The following NPR3 variants were observed in gnomAD, a reference collection of about 807,000 sequenced individuals.
NPR3 encodes natriuretic peptide receptor 3.
A neutral mutation model predicts 54.5 loss-of-function variants in NPR3; 34 were observed. The observed-to-expected ratio is 0.62, with a 90% CI of 0.47 to 0.83. The LOEUF is 0.83. NPR3 is among the 40% of genes least tolerant of loss of function. The pLI is 0.00. For synonymous variants in NPR3, 289 were observed against 297.1 expected, an observed-to-expected ratio of 0.97 and a Z score of 0.28; for missense variants, 674 against 720.8, an observed-to-expected ratio of 0.94 and a Z score of 0.74.
chr5:32,713,460 G>C lies in NPR3; in HGVS notation c.769+915G>C, dbSNP rs933782306. 4 of 985,244 alleles carry C rather than the reference G, an allele frequency of 4.1e-6. No individual in the cohort carries two copies. In the African/African-American group the frequency reaches 7.0e-5, roughly 17 times the overall value. 61.0% of individuals were successfully genotyped at this position (985,244 alleles called of 1,614,324 possible). ...GGTAGGGTAGAATCTGAGGGAAGGC[G>C]GACTGAGATGCCGGTATAGCGCCGA... On this transcript the variant is annotated intron_variant, in intron 1 of 7. Transcript: ENST00000265074.
At chr5:32,718,943 AACTG>A (rs1738705477) in intron 1 of NPR3, among the ~76,000 whole-genome samples, 1 of 152,026 alleles carries the variant, frequency 6.6e-6, no homozygotes, top group African/African-American at 2.4e-5. Flanking sequence ...CAAAGGGAAA[AACTG>A]CTTCCAGTTT....
intron 7 of NPR3, among the ~76,000 whole-genome samples, chr5:32,785,138 A>ATTTTT (rs11427729): frequency 6.6e-5 from 6 of 90,894 alleles, no homozygotes; most frequent in African/African-American, 9.9e-5. Flanking sequence ...TTGATCACAG[A>ATTTTT]TTTTTTTTTT....
rs531966514 is a variant in NPR3 at position 32,767,580 on chromosome 5, A to T, written c.1060-7128A>T. 4.6e-5 allele frequency among the ~76,000 whole-genome samples: 7 copies of T among 152,324 alleles called. No homozygotes were observed. The East Asian group carries it at 1.2e-3, about 25-fold the overall frequency. On this transcript the variant is annotated intron_variant, in intron 3 of 7. Transcript: ENST00000265074. ...TCTAGAACCATTCATTAACATTTCA[A>T]GGAAGGCTACTGTTCTGTGGAATAC... is the stretch of plus-strand genomic sequence containing the variant.
chr5:32,755,476 A>G (rs1740788312), intron 3 of NPR3, among the ~76,000 whole-genome samples: 1 of 152,136 alleles, frequency 6.6e-6, no homozygotes, highest in South Asian at 2.1e-4. Flanking sequence ...GCACTCCGTG[A>G]GCTCCTTCTC....
At chr5:32,741,012 C>T (rs1408785129) in intron 3 of NPR3, among the ~76,000 whole-genome samples, 1 of 137,192 alleles carries the variant, frequency 7.3e-6, no homozygotes, top group East Asian at 2.3e-4. Flanking sequence ...AAACATCAAA[C>T]TCTTTTACAT....
At chr5:32,700,179 T>G (rs1740631664) in intron 1 of NPR3, among the ~76,000 whole-genome samples, 1 of 152,206 alleles carries the variant, frequency 6.6e-6, no homozygotes, top group Non-Finnish European at 1.5e-5. Flanking sequence ...AAGTTCTTTT[T>G]TGGGTTAAAT....
intron 1 of NPR3, among the ~76,000 whole-genome samples, chr5:32,721,930 G>T (rs917061519): frequency 6.6e-6 from 1 of 152,126 alleles, no homozygotes; most frequent in Non-Finnish European, 1.5e-5. Flanking sequence ...GCCAGCTCAG[G>T]TCTCTCTTCC....
Position 32,784,872 on chromosome 5 carries a change from C to G in NPR3, c.1503C>G (p.Phe501Leu), listed in dbSNP as rs1742527774. The G allele has an allele frequency of 1.2e-6, 2 of 1,613,028 alleles. No homozygotes were observed. The highest frequency in any genetic ancestry group is 2.2e-5 in the East Asian group (1 of 44,860). The change falls in exon 7 of 8, where the codon TTC (phenylalanine) becomes TTG (leucine). Residue 501 changes from phenylalanine to leucine, a missense_variant. Coordinates refer to ENST00000265074, the MANE Select transcript of NPR3 (RefSeq NM_001204375.2). ...ALLGAGLLMA[F>L]YFFRKKYRIT... ...TAGGAGCTGGCTTGCTAATGGCCTT[C>G]TACTTTTTCAGGTGAGGACGGTTTG...
intron 1 of NPR3, among the ~76,000 whole-genome samples, chr5:32,717,706 G>GT (rs1227050053): frequency 5.9e-5 from 9 of 152,074 alleles, no homozygotes; most frequent in South Asian, 2.1e-4. Context: ...GGGATTGTTT[G>GT]TTTTTTTCTT....
chr5:32,757,097 G>C lies in NPR3; in HGVS notation c.1060-17611G>C, dbSNP rs187094653. ...GTGTTGGCAATGCCAGCTTTTTTCT[G>C]GTTCCATATGAACTTTAAAGTAGTT... is the stretch of plus-strand genomic sequence containing the variant. On this transcript the variant is annotated intron_variant, in intron 3 of 7. Coordinates refer to ENST00000265074, the MANE Select transcript of NPR3 (RefSeq NM_001204375.2). 1.1e-4 allele frequency among the ~76,000 whole-genome samples: 17 copies of C among 152,230 alleles called. No homozygotes were observed. In the East Asian group the frequency reaches 2.7e-3, roughly 24 times the overall value.
At chr5:32,764,677 A>G (rs1741350330) in intron 3 of NPR3, among the ~76,000 whole-genome samples, 1 of 150,318 alleles carries the variant, frequency 6.7e-6, no homozygotes. Flanking sequence ...AGTCCCAGCT[A>G]CTTGGGAGGC....
intron 4 of NPR3, among the ~76,000 whole-genome samples, chr5:32,776,181 A>G (rs1266610259): frequency 6.6e-6 from 1 of 152,172 alleles, no homozygotes; most frequent in African/African-American, 2.4e-5. Context: ...GCTATTTTTC[A>G]TCTTAGGTTT....
intron 3 of NPR3, among the ~76,000 whole-genome samples, chr5:32,752,744 G>A (rs1396323965): frequency 1.3e-5 from 2 of 152,210 alleles, no homozygotes; most frequent in Non-Finnish European, 2.9e-5. Context: ...TTAGGAAAAT[G>A]TAATCAAGTG....
chr5:32,714,232 C>T (rs1738425083), intron 1 of NPR3, among the ~76,000 whole-genome samples: 1 of 152,270 alleles, frequency 6.6e-6, no homozygotes, highest in Non-Finnish European at 1.5e-5. Context: ...CGTAATGTCA[C>T]TACCCTGTAG....
rs1739408588 is a variant in NPR3 at position 32,730,801 on chromosome 5, C to T, written c.892+5981C>T. On this transcript the variant is annotated intron_variant, in intron 2 of 7. Transcript: ENST00000265074. ...TGAAAACTACAAAACACTGATGAAA[C>T]CACTAATGAAAGAAATAAAAAAATC... Among the ~76,000 whole-genome samples, 3 of 151,902 alleles carry T rather than the reference C, an allele frequency of 2.0e-5. No homozygotes were observed. In the South Asian group the frequency reaches 6.2e-4, roughly 32 times the overall value.
chr5:32,727,438 G>A (rs902678894), intron 2 of NPR3, among the ~76,000 whole-genome samples: 2 of 152,208 alleles, frequency 1.3e-5, no homozygotes, highest in Admixed American at 1.3e-4. Flanking sequence ...TGCCATTTAG[G>A]TTTTGATAGA....
intron 3 of NPR3, among the ~76,000 whole-genome samples, chr5:32,753,328 T>C (rs1409394812): frequency 6.6e-6 from 1 of 152,154 alleles, no homozygotes; most frequent in East Asian, 1.9e-4. Flanking sequence ...ATTTTCTTTT[T>C]TTTTTTTTCC....
intron 1 of NPR3, among the ~76,000 whole-genome samples, chr5:32,714,279 T>G (rs1369832741): frequency 6.6e-6 from 1 of 152,230 alleles, no homozygotes; most frequent in African/African-American, 2.4e-5. Context: ...GCACGTGGCC[T>G]GGGATACAAA....
At chr5:32,766,537 G>T (rs1264183767) in intron 3 of NPR3, among the ~76,000 whole-genome samples, 1 of 152,114 alleles carries the variant, frequency 6.6e-6, no homozygotes, top group Non-Finnish European at 1.5e-5. Flanking sequence ...GATACTTAGA[G>T]AAATGACATT....
Sources: allele counts gnomAD v4.1 joint callset (sites outside exome capture counted in the v4.1 genomes callset), GRCh38; gene constraint gnomAD v4.1.1; transcripts MANE v1.5; gene names NCBI Gene and HGNC (gene_info 2026-07-23, HGNC 2026-07-21).